AGFG1: variants seen among roughly 807,000 people sequenced by gnomAD.
AGFG1 encodes the protein arf-GAP domain and FG repeat-containing protein 1.
A neutral mutation model predicts 60.6 loss-of-function variants in AGFG1; 10 were observed. The ratio of observed to expected loss-of-function variants is 0.16; its 90% confidence interval spans 0.10 to 0.28. AGFG1 has a LOEUF of 0.28. Among genes scored for constraint, AGFG1 ranks in the 10% least tolerant of loss-of-function variants. The pLI is 1.00. For synonymous variants in AGFG1, 247 were observed against 242.9 expected (o/e 1.02, Z -0.16); for missense variants, 537 against 676.5 (o/e 0.79, Z 2.29).
At chr2:227,495,826 A>C (rs1322548582) in intron 2 of AGFG1, among the ~76,000 whole-genome samples, 1 of 152,012 alleles carries the variant, frequency 6.6e-6, no homozygotes, top group Admixed American at 6.6e-5. Flanking sequence ...CTACTGGCCA[A>C]GTGCAGTGGC....
intron 6 of AGFG1, among the ~76,000 whole-genome samples, chr2:227,532,937 A>G (rs1451678324): frequency 6.6e-6 from 1 of 152,186 alleles, no homozygotes; most frequent in Admixed American, 6.6e-5. Flanking sequence ...CTGTAATTTT[A>G]ATGCCTTGAA....
At chr2:227,498,167 G>T (rs1691041827) in intron 2 of AGFG1, among the ~76,000 whole-genome samples, 1 of 151,668 alleles carries the variant, frequency 6.6e-6, no homozygotes. Flanking sequence ...TTTTCCCCAG[G>T]TTTGGTAACT....
chr2:227,472,613 T>G lies in AGFG1; in HGVS notation c.167+25T>G, dbSNP rs1362676646. On this transcript the variant is annotated intron_variant, in intron 1 of 12. Transcript: ENST00000310078. The stretch of plus-strand genomic sequence containing the variant: ...TGTGAGTGCGGGGCGGCCGGGCGGG[T>G]GTCGGGCCCTTCCCGGGAGGTGGGG... 4 of 1,543,134 alleles carry G rather than the reference T, an allele frequency of 2.6e-6. No homozygotes were observed. The African/African-American group carries it at 4.4e-5, about 17-fold the overall frequency.
Position 227,489,393 on chromosome 2 carries a change from C to T in AGFG1, c.168-2154C>T, listed in dbSNP as rs535523555. ...AGCGCCACCACACCTGCCTAATTTT[C>T]GTATTTTTAGTAGAGATGGGGTTTC... is the stretch of plus-strand genomic sequence containing the variant. On this transcript the variant is annotated intron_variant, in intron 1 of 12. Coordinates refer to ENST00000310078, the MANE Select transcript of AGFG1 (RefSeq NM_004504.5). Among the ~76,000 whole-genome samples the T allele has an allele frequency of 3.9e-4, 59 of 149,934 alleles. No individual in the cohort carries two copies. In the South Asian group the frequency reaches 7.2e-3, roughly 18 times the overall value.
intron 10 of AGFG1, among the ~76,000 whole-genome samples, chr2:227,539,702 G>A (rs528203053): frequency 1.6e-5 from 2 of 127,956 alleles, no homozygotes; most frequent in Admixed American, 1.0e-4. Flanking sequence ...CTGTGATTGC[G>A]CCACCACACT....
chr2:227,538,778 G>A (rs1277151246), intron 10 of AGFG1, among the ~76,000 whole-genome samples: 12 of 152,182 alleles, frequency 7.9e-5, no homozygotes, highest in Admixed American at 7.9e-4. Flanking sequence ...TTTAGAGTAT[G>A]CAAGTTTTGT....
At position 227,523,885 on chromosome 2, in the gene AGFG1, C is replaced by T; in HGVS notation, c.500C>T (p.Ser167Phe). The change falls in exon 4 of 13, where the codon TCT becomes TTT. Residue 167 changes from serine (S) to phenylalanine (F), a missense_variant. Around this residue, in one of 4 missense-constraint regions of AGFG1, gnomAD observed 102 missense variants for 82.9 expected, o/e 1.23. Coordinates refer to ENST00000310078, the MANE Select transcript of AGFG1 (RefSeq NM_004504.5). The stretch of plus-strand genomic sequence containing the variant: ...CCACTGAAATCTCTTTTAGGGGATT[C>T]TGCACCAACACTGCACTTAAATAAG... Reference protein sequence around the residue: ...VKPLKSLLGDSAPTLHLNKGT... With the variant: ...VKPLKSLLGDFAPTLHLNKGT... 1 of 1,613,908 alleles carries T rather than the reference C, an allele frequency of 6.2e-7. No homozygotes were observed. Among genetic ancestry groups the T allele is most frequent in the Non-Finnish European group, 8.5e-7 (1 of 1,179,926 alleles).
chr2:227,483,289 T>C (rs896610112), intron 1 of AGFG1, among the ~76,000 whole-genome samples: 19 of 152,218 alleles, frequency 1.2e-4, no homozygotes, highest in African/African-American at 4.6e-4. Flanking sequence ...AGTCTGCTAA[T>C]GATAAATTTA....
At position 227,556,945 on chromosome 2, in the gene AGFG1, A is replaced by T. The variant is rs1158916844; in HGVS notation, c.*2450A>T. ...GAGATCCCATCTCTAAAAAATGAAA[A>T]AAAGAAGAGAGGTAGCTTTAAAGTG... On this transcript the variant is annotated 3_prime_UTR_variant, in exon 13 of 13. Coordinates refer to ENST00000310078, the MANE Select transcript of AGFG1 (RefSeq NM_004504.5). 6.6e-6 allele frequency: 1 copy of T among 152,194 alleles called. No individual in the cohort carries two copies. Among genetic ancestry groups the T allele is most frequent in the African/African-American group, 2.4e-5 (1 of 41,432 alleles). The allele number at this position is 152,194 out of a possible 1,614,324, so 9.4% of individuals were successfully genotyped here. A position where few individuals can be genotyped will look rare whatever the true frequency, so the allele number is the denominator to read the frequency against.
At chr2:227,512,848 A>G (rs1258382545) in intron 2 of AGFG1, among the ~76,000 whole-genome samples, 1 of 152,126 alleles carries the variant, frequency 6.6e-6, no homozygotes, top group Non-Finnish European at 1.5e-5. Context: ...CTAGAGGATT[A>G]CTCCATCTCT....
chr2:227,521,776 T>G (rs1011624663), intron 3 of AGFG1, among the ~76,000 whole-genome samples: 1 of 152,210 alleles, frequency 6.6e-6, no homozygotes, highest in African/African-American at 2.4e-5. Flanking sequence ...TCATAGATCC[T>G]TACCCCCACA....
At chr2:227,476,842 G>T (rs1690296987) in intron 1 of AGFG1, among the ~76,000 whole-genome samples, 1 of 151,240 alleles carries the variant, frequency 6.6e-6, no homozygotes, top group Non-Finnish European at 1.5e-5. Flanking sequence ...CTCTGATATG[G>T]CCACATTCAG....
intron 10 of AGFG1, among the ~76,000 whole-genome samples, chr2:227,538,845 AGAT>A (rs1295528192): frequency 6.6e-6 from 1 of 152,238 alleles, no homozygotes; most frequent in Admixed American, 6.5e-5. Flanking sequence ...ACGTATGTGC[AGAT>A]GATATAAGAT....
At chr2:227,518,133 T>C (rs1157758409) in intron 2 of AGFG1, among the ~76,000 whole-genome samples, 1 of 152,252 alleles carries the variant, frequency 6.6e-6, no homozygotes, top group Non-Finnish European at 1.5e-5. Context: ...CTTGTATTAA[T>C]GGTTTTCTCC....
At chr2:227,504,132 G>A (rs138586432) in intron 2 of AGFG1, among the ~76,000 whole-genome samples, 35 of 152,136 alleles carry the variant, frequency 2.3e-4, no homozygotes, top group South Asian at 4.2e-4. Context: ...CTGTCTTGGA[G>A]ATAACAGACT....
chr2:227,475,085 T>C (rs561291336), intron 1 of AGFG1, among the ~76,000 whole-genome samples: 1 of 152,318 alleles, frequency 6.6e-6, no homozygotes, highest in South Asian at 2.1e-4. Flanking sequence ...AAATAAGAAA[T>C]ATCCTAATAA....
intron 2 of AGFG1, among the ~76,000 whole-genome samples, chr2:227,496,272 C>T (rs747218734): frequency 2.4e-4 from 36 of 151,992 alleles, no homozygotes; most frequent in Non-Finnish European, 4.7e-4. Context: ...CATGCAATAA[C>T]GTACACTTTT....
At position 227,512,578 on chromosome 2, in the gene AGFG1, A is replaced by G. The variant is rs149333343; in HGVS notation, c.262-7370A>G. On this transcript the variant is annotated intron_variant, in intron 2 of 12. Coordinates refer to ENST00000310078, the MANE Select transcript of AGFG1 (RefSeq NM_004504.5). ...AGTATGGACTTTTTCTCCCTCGTTT[A>G]TTCCTTTTAGGGCAAAATAATATGT... Among the ~76,000 whole-genome samples, 33 of 152,190 alleles carry G rather than the reference A, an allele frequency of 2.2e-4. No individual in the cohort carries two copies. In the East Asian group the frequency reaches 6.4e-3, roughly 29 times the overall value.
At chr2:227,531,412 CTGTT>C (rs2106218099) in intron 6 of AGFG1, among the ~76,000 whole-genome samples, 1 of 152,010 alleles carries the variant, frequency 6.6e-6, no homozygotes, top group Non-Finnish European at 1.5e-5. Context: ...GGTATATTGT[CTGTT>C]TGACAACATC....
Sources: allele counts gnomAD v4.1 joint callset (sites outside exome capture counted in the v4.1 genomes callset), GRCh38; gene constraint gnomAD v4.1.1; regional missense constraint gnomAD v4.1.1; transcripts MANE v1.5; gene names NCBI Gene and HGNC (gene_info 2026-07-23, HGNC 2026-07-21).